The following TRIM58 variants were observed in gnomAD, a reference collection of about 807,000 sequenced individuals.
TRIM58 encodes the protein tripartite motif containing 58, also known as E3 ubiquitin-protein ligase TRIM58.
Under a neutral mutation model 34.1 loss-of-function variants are expected in TRIM58, and 38 were observed. That is an observed-to-expected ratio of 1.12 (90% confidence interval 0.86 to 1.46). TRIM58 has a LOEUF of 1.46. Among genes scored for constraint, TRIM58 ranks in the 40% most tolerant of loss-of-function variants. The pLI is 0.00. For missense variants in TRIM58, 677 were observed against 642.0 expected, an observed-to-expected ratio of 1.05 and a Z score of -0.59; for synonymous variants, 273 against 275.7, an observed-to-expected ratio of 0.99 and a Z score of 0.10.
intron 5 of TRIM58, among the ~76,000 whole-genome samples, chr1:247,873,166 G>A (rs1185948529): frequency 6.6e-6 from 1 of 152,108 alleles, no homozygotes; most frequent in East Asian, 1.9e-4. Context: ...GGAGATGGGG[G>A]TTGCAGTAAG....
chr1:247,872,484 T>C (rs774442071), intron 5 of TRIM58, among the ~76,000 whole-genome samples: 102 of 152,152 alleles, frequency 6.7e-4, no homozygotes, highest in Admixed American at 1.4e-3. Context: ...ACTGGCAAAA[T>C]GTGATTGCCA....
intron 5 of TRIM58, 129 bp downstream of exon 5, chr1:247,868,192 A>T (rs746954746): frequency 7.2e-6 from 5 of 692,416 alleles, no homozygotes; most frequent in Non-Finnish European, 1.2e-5. Flanking sequence ...TCACTATGCC[A>T]GTCAGCTGCA....
At chr1:247,874,705 T>C (rs1038967371) in intron 5 of TRIM58, among the ~76,000 whole-genome samples, 4 of 152,186 alleles carry the variant, frequency 2.6e-5, no homozygotes, top group African/African-American at 9.7e-5. Flanking sequence ...TACAAGCTTA[T>C]GTGCTTAAAG....
chr1:247,868,835 C>CT (rs1294011700), intron 5 of TRIM58, among the ~76,000 whole-genome samples: 2 of 152,154 alleles, frequency 1.3e-5, no homozygotes, highest in Non-Finnish European at 1.5e-5. Flanking sequence ...GCTTCCACGC[C>CT]CTTTCTAGGC....
In TRIM58 at chr1:247,875,896, G is replaced by C; in HGVS notation, c.872-4G>C. ...TCACCTGGTCCACCACATTCTTTCC[G>C]CAGTGGATGTAAAGCTGGATCCCGC... On this transcript the variant is annotated splice_polypyrimidine_tract_variant and splice_region_variant and intron_variant, in intron 5 of 5. Coordinates refer to ENST00000366481, the MANE Select transcript of TRIM58 (RefSeq NM_015431.4). 1 of 1,603,368 alleles carries C rather than the reference G, an allele frequency of 6.2e-7. No individual in the cohort carries two copies. The highest frequency in any genetic ancestry group is 8.5e-7 in the Non-Finnish European group (1 of 1,173,734).
chr1:247,857,695 G>A, intron 1 of TRIM58, 29 bp downstream of exon 1: 2 of 1,215,864 alleles, frequency 1.6e-6, no homozygotes, highest in Non-Finnish European at 2.0e-6. Context: ...GGGGCTGCGG[G>A]CGCTGCGGTG....
chr1:247,863,907 A>G (rs1348775950), intron 2 of TRIM58, among the ~76,000 whole-genome samples: 1 of 152,196 alleles, frequency 6.6e-6, no homozygotes, highest in African/African-American at 2.4e-5. Context: ...TTGGCTTTGT[A>G]GAGAATGTTA....
chr1:247,875,855 A>G, intron 5 of TRIM58, 45 bp from the exon 6 acceptor site: 1 of 1,526,456 alleles, frequency 6.6e-7, no homozygotes, highest in Non-Finnish European at 8.9e-7. Flanking sequence ...AGTTTCTACC[A>G]GTCCTTTCTT....
rs373341814 is a variant in TRIM58 at position 247,864,905 on chromosome 1, G to C, written c.717G>C (p.Arg239Ser). 4.4e-6 allele frequency: 7 copies of C among 1,597,224 alleles called. No individual in the cohort carries two copies. Among genetic ancestry groups the C allele is most frequent in the Non-Finnish European group, 6.0e-6 (7 of 1,173,056 alleles). The part of the protein sequence containing the change: ...LKELADELQE[R>S]CQRPALGLLE... ...AGCTGGCGGATGAGCTGCAGGAGAG[G>C]TGCCAGCGCCCGGCCCTGGGTCTGC... The change falls in exon 3 of 6, where the codon AGG (arginine) becomes AGC (serine). Residue 239 changes from arginine (R) to serine (S), a missense_variant. Transcript: ENST00000366481.
chr1:247,859,669 C>T (rs1663734787), intron 1 of TRIM58, among the ~76,000 whole-genome samples: 1 of 151,846 alleles, frequency 6.6e-6, no homozygotes. Context: ...TCCTTCTGAC[C>T]TAATAATACT....
At chr1:247,858,656 C>T (rs933672861) in intron 1 of TRIM58, among the ~76,000 whole-genome samples, 2 of 150,186 alleles carry the variant, frequency 1.3e-5, no homozygotes, top group African/African-American at 4.9e-5. Context: ...TTGTCATTTG[C>T]GAGATGTAGG....
chr1:247,875,891 T>C lies in TRIM58; in HGVS notation c.872-9T>C, dbSNP rs762541469. 1 of 1,602,016 alleles carries C rather than the reference T, an allele frequency of 6.2e-7. No individual in the cohort carries two copies. Among genetic ancestry groups the C allele is most frequent in the South Asian group, 1.1e-5 (1 of 89,308 alleles). ...TCCTTTCACCTGGTCCACCACATTC[T>C]TTCCGCAGTGGATGTAAAGCTGGAT... is the stretch of plus-strand genomic sequence containing the variant. On this transcript the variant is annotated splice_polypyrimidine_tract_variant and intron_variant, in intron 5 of 5. Coordinates refer to ENST00000366481, the MANE Select transcript of TRIM58 (RefSeq NM_015431.4).
At chr1:247,874,623 G>A (rs549314635) in intron 5 of TRIM58, among the ~76,000 whole-genome samples, 1 of 152,112 alleles carries the variant, frequency 6.6e-6, no homozygotes, top group Non-Finnish European at 1.5e-5. Flanking sequence ...TTATGTATAT[G>A]GGTCAAATGT....
In TRIM58 at chr1:247,868,059, C is replaced by G. The variant is rs766750346; in HGVS notation, c.867C>G (p.Phe289Leu). 7 of 1,603,260 alleles carry G rather than the reference C, an allele frequency of 4.4e-6. No homozygotes were observed. The highest frequency in any genetic ancestry group is 6.0e-6 in the Non-Finnish European group (7 of 1,175,558). Reference sequence around the variant, plus strand: ...GGAGGAGGGAGCTCTTAAGGAAGTTCCAAGGTAGTTGCATCTTAGAGACTG... The same window carrying G: ...GGAGGAGGGAGCTCTTAAGGAAGTTGCAAGGTAGTTGCATCTTAGAGACTG... ...IPGRRELLRKFQVDVKLDPAT... is the reference protein window; with the variant it reads ...IPGRRELLRKLQVDVKLDPAT... Residue 289 changes from phenylalanine to leucine, a missense_variant, in exon 5 of 6, where the codon TTC becomes TTG. Phe to Leu is a conservative substitution (Grantham distance 22). Coordinates refer to ENST00000366481, the MANE Select transcript of TRIM58 (RefSeq NM_015431.4).
Position 247,878,013 on chromosome 1 carries a change from AT to A in TRIM58, c.*1526del, listed in dbSNP as rs2103338964. On this transcript the variant is annotated 3_prime_UTR_variant, in exon 6 of 6. Coordinates refer to ENST00000366481, the MANE Select transcript of TRIM58 (RefSeq NM_015431.4). Reference sequence around the variant, plus strand: ...GTCTCTACTAAAAATACAAAAAGAAATTAGCTGGGCGTGGTGGTGGGTGCCT... The same window carrying A: ...GTCTCTACTAAAAATACAAAAAGAAATAGCTGGGCGTGGTGGTGGGTGCCT... 1 of 152,176 alleles carries A rather than the reference AT, an allele frequency of 6.6e-6. No homozygotes were observed. Among genetic ancestry groups the A allele is most frequent in the African/African-American group, 2.4e-5 (1 of 41,458 alleles). 9.4% of individuals were successfully genotyped at this position (152,176 alleles called of 1,614,324 possible).
Position 247,870,839 on chromosome 1 carries a change from T to C in TRIM58, c.871+2776T>C, listed in dbSNP as rs34700072. Among the ~76,000 whole-genome samples the C allele has an allele frequency of 1.3e-3, 48 of 37,790 alleles. 2 individuals carry two copies. Among genetic ancestry groups the C allele is most frequent in the African/African-American group, 1.8e-3 (9 of 5,050 alleles). 24.8% of individuals were successfully genotyped at this position (37,790 alleles called of 152,430 possible). On this transcript the variant is annotated intron_variant, in intron 5 of 5. Coordinates refer to ENST00000366481, the MANE Select transcript of TRIM58 (RefSeq NM_015431.4). ...ATATTCATGAGCAGTATCAGAGTCA[T>C]GGCCACCCATAGAGCCTGCACCACC...
At chr1:247,863,337 A>G (rs1663842724) in intron 2 of TRIM58, among the ~76,000 whole-genome samples, 1 of 152,142 alleles carries the variant, frequency 6.6e-6, no homozygotes, top group African/African-American at 2.4e-5. Context: ...CAGGAGTTTG[A>G]GACCAGCCTG....
rs1558355363 is a variant in TRIM58 at position 247,879,606 on chromosome 1, G to A, written c.*3117G>A. On this transcript the variant is annotated 3_prime_UTR_variant, in exon 6 of 6. Transcript: ENST00000366481. ...TGAACCCCCAGGCCCTAGAGGATCT[G>A]AACCCCCATCCCTCCTCTGATTATC... Among the ~76,000 whole-genome samples the A allele has an allele frequency of 6.6e-6, 1 of 151,328 alleles. No homozygotes were observed. The highest frequency in any genetic ancestry group is 2.4e-5 in the African/African-American group (1 of 41,144).
rs1368561490 is a variant in TRIM58 at position 247,877,984 on chromosome 1, C to T, written c.*1495C>T. On this transcript the variant is annotated 3_prime_UTR_variant, in exon 6 of 6. Coordinates refer to ENST00000366481, the MANE Select transcript of TRIM58 (RefSeq NM_015431.4). ...GACCATCCTGGCTAACACAGTGAAA[C>T]CCCGTCTCTACTAAAAATACAAAAA... The T allele has an allele frequency of 6.6e-6, 1 of 151,916 alleles. No homozygotes were observed. The highest frequency in any genetic ancestry group is 2.4e-5 in the African/African-American group (1 of 41,340). The allele number at this position is 151,916 out of a possible 1,614,324, so 9.4% of individuals were successfully genotyped here.
Sources: gnomAD v4.1 joint callset for allele counts (sites outside exome capture counted in the v4.1 genomes callset) on GRCh38, gnomAD v4.1.1 for gene constraint, MANE v1.5 for transcripts, NCBI Gene and HGNC (gene_info 2026-07-23, HGNC 2026-07-21) for gene names.